The following HYCC2 variants were observed in gnomAD, a reference collection of about 807,000 sequenced individuals.
The protein encoded by HYCC2 is hyccin PI4KA lipid kinase complex subunit 2.
the HYCC2 span, chr2:200,988,172 G>T: frequency 9.3e-7 from 1 of 1,072,230 alleles, no homozygotes. Flanking sequence ...ATTATACAGG[G>T]TCTTTTAATA....
chr2:200,999,575 C>T, the HYCC2 span, among the ~76,000 whole-genome samples: 1,926 of 150,908 alleles, frequency 0.013, 15 homozygotes, highest in Non-Finnish European at 0.02. Flanking sequence ...TTTTTAGTAG[C>T]GACAGGGTTT....
chr2:201,055,249 A>G, the HYCC2 span, among the ~76,000 whole-genome samples: 1 of 152,158 alleles, frequency 6.6e-6, no homozygotes, highest in South Asian at 2.1e-4. Flanking sequence ...TGTACATTTC[A>G]GTAGTATTAA....
At chr2:200,982,683 A>C in the HYCC2 span, among the ~76,000 whole-genome samples, 2 of 152,296 alleles carry the variant, frequency 1.3e-5, no homozygotes, top group East Asian at 1.9e-4. Flanking sequence ...ATTGAGATGT[A>C]TTGTCATAAT....
the HYCC2 span, chr2:200,997,642 C>G: frequency 1.4e-6 from 1 of 705,880 alleles, no homozygotes; most frequent in Non-Finnish European, 2.5e-6. Context: ...ATTTCTTAAT[C>G]AAATCAATAT....
the HYCC2 span, chr2:200,992,323 G>C: frequency 6.2e-7 from 1 of 1,612,192 alleles, no homozygotes; most frequent in Admixed American, 1.7e-5. Context: ...CTCTATAAAT[G>C]ATATCATCAA....
chr2:201,012,957 AC>A, the HYCC2 span, among the ~76,000 whole-genome samples: 1 of 115,234 alleles, frequency 8.7e-6, no homozygotes, highest in Admixed American at 7.6e-5. Flanking sequence ...AAAAATACAC[AC>A]ACACACACAC....
the HYCC2 span, chr2:201,063,153 G>A: frequency 6.2e-7 from 1 of 1,610,568 alleles, no homozygotes; most frequent in Non-Finnish European, 8.5e-7. Context: ...GGAGGGTTGA[G>A]CTTTGAAACA....
At chr2:200,989,354 A>G in the HYCC2 span, among the ~76,000 whole-genome samples, 2 of 152,208 alleles carry the variant, frequency 1.3e-5, no homozygotes, top group African/African-American at 4.8e-5. Context: ...AGGTACTACT[A>G]TGATGATATA....
At chr2:200,979,732 T>C in the HYCC2 span, 2 of 152,644 alleles carry the variant, frequency 1.3e-5, no homozygotes, top group African/African-American at 4.8e-5. Flanking sequence ...GGATAACTTA[T>C]AACAGTTTAA....
chr2:201,034,822 C>A, the HYCC2 span, among the ~76,000 whole-genome samples: 1 of 152,184 alleles, frequency 6.6e-6, no homozygotes, highest in Non-Finnish European at 1.5e-5. Context: ...AATCTCTCAG[C>A]ATTCGCTTGT....
the HYCC2 span, among the ~76,000 whole-genome samples, chr2:201,033,552 C>T: frequency 7.2e-5 from 11 of 151,838 alleles, no homozygotes; most frequent in South Asian, 1.7e-3. Flanking sequence ...TACAGGCGCC[C>T]GCCACCACGC....
chr2:200,998,943 C>T, the HYCC2 span, among the ~76,000 whole-genome samples: 2 of 152,190 alleles, frequency 1.3e-5, no homozygotes, highest in African/African-American at 4.8e-5. Flanking sequence ...CCTTCACTTT[C>T]TCCATATATC....
the HYCC2 span, among the ~76,000 whole-genome samples, chr2:201,044,549 T>C: frequency 2.0e-5 from 3 of 152,230 alleles, no homozygotes; most frequent in Non-Finnish European, 4.4e-5. Context: ...TTGGGAAAGC[T>C]ACTTAAGTAA....
chr2:201,064,149 C>T, the HYCC2 span: 3 of 903,684 alleles, frequency 3.3e-6, no homozygotes, highest in African/African-American at 3.3e-5. Flanking sequence ...ACAGTGGTGG[C>T]AGGGCCTAGC....
At chr2:200,983,848 T>A in the HYCC2 span, among the ~76,000 whole-genome samples, 1 of 152,132 alleles carries the variant, frequency 6.6e-6, no homozygotes, top group African/African-American at 2.4e-5. Context: ...CTTCTGAATC[T>A]TGCTACATGC....
the HYCC2 span, among the ~76,000 whole-genome samples, chr2:200,995,691 C>A: frequency 6.6e-6 from 1 of 152,186 alleles, no homozygotes; most frequent in Non-Finnish European, 1.5e-5. Context: ...AACTTCTGAG[C>A]CTCAGATGAG....
chr2:200,983,030 T>C, the HYCC2 span, among the ~76,000 whole-genome samples: 2 of 152,174 alleles, frequency 1.3e-5, no homozygotes, highest in Admixed American at 1.3e-4. Flanking sequence ...AGTGCTGGGA[T>C]TACAGGCATG....
the HYCC2 span, among the ~76,000 whole-genome samples, chr2:201,055,290 A>G: frequency 6.6e-6 from 1 of 151,460 alleles, no homozygotes; most frequent in African/African-American, 2.4e-5. Flanking sequence ...AACCATCACC[A>G]TACTCTTTTC....
At chr2:201,065,893 T>TA in the HYCC2 span, among the ~76,000 whole-genome samples, 3 of 151,996 alleles carry the variant, frequency 2.0e-5, no homozygotes, top group Admixed American at 6.6e-5. Context: ...GCTAATTAAA[T>TA]AAAAAAATCA....
Sources: gnomAD v4.1 joint callset for allele counts (sites outside exome capture counted in the v4.1 genomes callset) on GRCh38, gnomAD v4.1.1 for gene constraint, MANE v1.5 for transcripts, NCBI Gene and HGNC (gene_info 2026-07-23, HGNC 2026-07-21) for gene names.